MEGF8: variants seen among roughly 807,000 people sequenced by gnomAD.
MEGF8 encodes the protein multiple epidermal growth factor-like domains protein 8.
A neutral mutation model predicts 302.9 loss-of-function variants in MEGF8; 156 were observed. The observed-to-expected ratio is 0.52, with a 90% CI of 0.45 to 0.59. The LOEUF (loss-of-function observed/expected upper bound fraction) is 0.59. MEGF8 is among the 20% of genes least tolerant of loss of function. The pLI, the probability that MEGF8 is intolerant of heterozygous loss-of-function variation, is 0.00. For synonymous variants in MEGF8, 1,621 were observed against 1,660.5 expected, an observed-to-expected ratio of 0.98 and a Z score of 0.58; for missense variants, 3,345 against 3,964.5, an observed-to-expected ratio of 0.84 and a Z score of 4.20.
rs1399350332 is a variant in MEGF8 at position 42,368,188 on chromosome 19, G to T, written c.6274-267G>T. Among the ~76,000 whole-genome samples the T allele has an allele frequency of 2.0e-5, 3 of 152,174 alleles. No homozygotes were observed. The highest frequency in any genetic ancestry group is 3.2e-3 in the Middle Eastern group (1 of 316). ...CCACTGTAGCCTCCCAAAGTATTGG[G>T]ATTACAGGTGTGAGCCACTGCGGCC... On this transcript the variant is annotated intron_variant, in intron 35 of 41. Transcript: ENST00000251268. This position sits in a 1 kb window ranked among gnomAD's most constrained non-coding sequence, Gnocchi z 4.9.
rs774836192 is a variant in MEGF8, at chr19:42,352,183, G to T, written c.3102-25G>T. 3 of 1,488,280 alleles carry T rather than the reference G, an allele frequency of 2.0e-6. No homozygotes were observed. The Admixed American group carries it at 7.4e-5, about 37-fold the overall frequency. The allele number at this position is 1,488,280 out of a possible 1,614,324, so 92.2% of individuals were successfully genotyped here. ...GGCTCCTGTTTCTATGTTGTCCCCC[G>T]CTTCTTCACTCTCCCACCCTGCAGG... On this transcript the variant is annotated intron_variant, in intron 18 of 41. Coordinates refer to ENST00000251268, the MANE Select transcript of MEGF8 (RefSeq NM_001271938.2). This position sits in a 1 kb window ranked among gnomAD's most constrained non-coding sequence, Gnocchi z 4.4.
rs1284278825 is a variant in MEGF8, at chr19:42,343,643, G to A, written c.1668+12G>A. On this transcript the variant is annotated intron_variant, in intron 9 of 41. Coordinates refer to ENST00000251268, the MANE Select transcript of MEGF8 (RefSeq NM_001271938.2). ...CACCTGCCCCTGACGTGAGCACTGG[G>A]GTGACAGGGAAAGGGTGGCTGGGGG... The A allele has an allele frequency of 1.3e-6, 2 of 1,593,208 alleles. No homozygotes were observed. The highest frequency in any genetic ancestry group is 2.7e-5 in the African/African-American group (2 of 74,686).
chr19:42,337,249 A>G, intron 8 of MEGF8, 43 bp downstream of exon 8: 4 of 1,610,872 alleles, frequency 2.5e-6, no homozygotes, highest in Non-Finnish European at 3.4e-6. Context: ...TGAGGGTCCC[A>G]CCTCTCTCCA....
chr19:42,371,553 G>A, intron 41 of MEGF8, 71 bp downstream of exon 41: 4 of 1,596,244 alleles, frequency 2.5e-6, no homozygotes, highest in Non-Finnish European at 2.6e-6. Flanking sequence ...GGATGAGGTA[G>A]CCAGGCTCGG....
At position 42,344,672 on chromosome 19, in the gene MEGF8, C is replaced by G. The variant is rs201134458; in HGVS notation, c.1936C>G (p.Gln646Glu). Residue 646 changes from glutamine (Q) to glutamate (E), a missense_variant and splice_region_variant, in exon 12 of 42, where the codon CAG becomes GAG. Coordinates refer to ENST00000251268, the MANE Select transcript of MEGF8 (RefSeq NM_001271938.2). The surrounding 1 kb of genome is among the most constrained non-coding windows in gnomAD (Gnocchi z 4.5). ...GCCCCCACCCCCTGTCTTCTCAGAG[C>G]AGGCCCGCTGCCGAGGGGAGCAGAT... Reference protein sequence around the residue: ...HNESCLPRPEQARCRGEQISG... With the variant: ...HNESCLPRPEEARCRGEQISG... 6.3e-7 allele frequency: 1 copy of G among 1,576,562 alleles called. No individual in the cohort carries two copies. Among genetic ancestry groups the G allele is most frequent in the African/African-American group, 1.3e-5 (1 of 74,370 alleles).
At chr19:42,355,609 G>T (rs2039439572) in intron 23 of MEGF8, 149 bp from the exon 24 acceptor site, 1 of 1,155,728 alleles carries the variant, frequency 8.7e-7, no homozygotes, top group South Asian at 1.7e-5. Flanking sequence ...GCTGAGGGAG[G>T]GGGTGCAGAA....
chr19:42,360,358 T>C (rs1483459915), intron 31 of MEGF8, among the ~76,000 whole-genome samples: 1 of 151,236 alleles, frequency 6.6e-6, no homozygotes, highest in Non-Finnish European at 1.5e-5. Context: ...TTTTTTTTTT[T>C]TTTTGGAGAC....
In MEGF8 at chr19:42,326,390, C is replaced by T; in HGVS notation, c.147C>T (p.Gly49=). 2 of 1,581,634 alleles carry T rather than the reference C, an allele frequency of 1.3e-6. No homozygotes were observed. ...CAGGCTTCGTGACGGATGGTGCGGG[C>T]AACTACAGCGTCAATGGCAACTGCG... ...EAPGFVTDGA[G]NYSVNGNCEW... The change falls in exon 1 of 42, where the codon GGC becomes GGT. Residue 49 remains glycine (G), a synonymous_variant. Transcript: ENST00000251268.
chr19:42,368,528 G>A lies in MEGF8; in HGVS notation c.6347G>A (p.Ser2116Asn). ...GCGRLLRGPESCSLGCAQATQ... is the reference protein window; with the variant it reads ...GCGRLLRGPENCSLGCAQATQ... Reference sequence around the variant, plus strand: ...GGGCGGCTGCTCCGGGGACCTGAGAGCTGCTCCCTGGGCTGTGCTCAGGCA... The same window carrying A: ...GGGCGGCTGCTCCGGGGACCTGAGAACTGCTCCCTGGGCTGTGCTCAGGCA... The change falls in exon 36 of 42, where the codon AGC becomes AAC. Residue 2116 changes from serine (S) to asparagine (N), a missense_variant. Physicochemically the swap from Ser to Asn is conservative, Grantham distance 46. Transcript: ENST00000251268. The surrounding 1 kb of genome is among the most constrained non-coding windows in gnomAD (Gnocchi z 4.9). The A allele has an allele frequency of 6.2e-7, 1 of 1,606,858 alleles. No individual in the cohort carries two copies. The highest frequency in any genetic ancestry group is 8.5e-7 in the Non-Finnish European group (1 of 1,177,436).
intron 12 of MEGF8, among the ~76,000 whole-genome samples, chr19:42,346,745 G>T (rs950514107): frequency 6.6e-6 from 1 of 152,134 alleles, no homozygotes; most frequent in Admixed American, 6.5e-5. Context: ...AGCACTTTGT[G>T]AGGCCAAGGC....
rs1406237962 is a variant in MEGF8, at chr19:42,351,301, A to G, written c.2822A>G (p.Lys941Arg). 1 of 1,568,774 alleles carries G rather than the reference A, an allele frequency of 6.4e-7. No individual in the cohort carries two copies. The change falls in exon 16 of 42, where the codon AAG becomes AGG. Residue 941 changes from lysine (K) to arginine (R), a missense_variant. Physicochemically the swap from Lys to Arg is conservative, Grantham distance 26 (BLOSUM62 2). Coordinates refer to ENST00000251268, the MANE Select transcript of MEGF8 (RefSeq NM_001271938.2). The surrounding 1 kb of genome is among the most constrained non-coding windows in gnomAD (Gnocchi z 5.6). Reference sequence around the variant, plus strand: ...CGGGGCCGGGGTCGGGGTGCCCTGAAGAGTCCAGAGGAGTGTCCCCCGCTC... The same window carrying G: ...CGGGGCCGGGGTCGGGGTGCCCTGAGGAGTCCAGAGGAGTGTCCCCCGCTC... Reference protein sequence around the residue: ...SRRGRGRGALKSPEECPPLCS... With the variant: ...SRRGRGRGALRSPEECPPLCS...
chr19:42,326,015 C>T lies in MEGF8; in HGVS notation c.-229C>T, dbSNP rs1050383610. ...GGTTCGGCCCCGTCCATAATGACTC[C>T]ATATACAGGGCCTTCCATCGCTCTA... On this transcript the variant is annotated 5_prime_UTR_variant, in exon 1 of 42. Transcript: ENST00000251268. 1.3e-5 allele frequency: 8 copies of T among 593,892 alleles called. No individual in the cohort carries two copies. Among genetic ancestry groups the T allele is most frequent in the East Asian group, 3.5e-5 (1 of 28,574 alleles). The allele number at this position is 593,892 out of a possible 1,614,324, so 36.8% of individuals were successfully genotyped here.
intron 8 of MEGF8, 70 bp downstream of exon 8, chr19:42,337,276 A>C (rs1023368773): frequency 3.9e-5 from 62 of 1,600,574 alleles, no homozygotes; most frequent in Non-Finnish European, 4.8e-5. Flanking sequence ...TTCTGGGCTC[A>C]AGCCACCTCA....
At chr19:42,367,278 TTTTC>T (rs1309460635) in intron 35 of MEGF8, among the ~76,000 whole-genome samples, 7 of 150,870 alleles carry the variant, frequency 4.6e-5, no homozygotes, top group East Asian at 1.9e-4. Context: ...TTTTCTTGTC[TTTTC>T]TTTCTTTCTT....
chr19:42,372,074 AACAC>A (rs1555784682), intron 41 of MEGF8, among the ~76,000 whole-genome samples: 5 of 79,324 alleles, frequency 6.3e-5, no homozygotes, highest in African/African-American at 1.8e-4. Flanking sequence ...AACAACAACA[AACAC>A]ACACACACAC....
Position 42,351,487 on chromosome 19 carries a change from A to T in MEGF8, c.2914A>T (p.Thr972Ser). ...NSSQCAWCQS[T>S]HTCFLFAAYL... The stretch of plus-strand genomic sequence containing the variant: ...TAGCCAGTGCGCCTGGTGCCAGTCC[A>T]CCCACACCTGCTTCCTGTTTGCTGC... Residue 972 changes from threonine to serine, a missense_variant, in exon 17 of 42, where the codon ACC (threonine) becomes TCC (serine). Thr to Ser is a moderately conservative substitution (Grantham distance 58). Coordinates refer to ENST00000251268, the MANE Select transcript of MEGF8 (RefSeq NM_001271938.2). The surrounding 1 kb of genome is among the most constrained non-coding windows in gnomAD (Gnocchi z 5.6). 6.2e-7 allele frequency: 1 copy of T among 1,605,030 alleles called. No homozygotes were observed. Among genetic ancestry groups the T allele is most frequent in the Non-Finnish European group, 8.5e-7 (1 of 1,176,188 alleles).
In MEGF8 at chr19:42,350,612, C is replaced by T. The variant is rs546588773; in HGVS notation, c.2736+228C>T. Among the ~76,000 whole-genome samples, 30 of 152,298 alleles carry T rather than the reference C, an allele frequency of 2.0e-4. No individual in the cohort carries two copies. The South Asian group carries it at 5.2e-3, about 26-fold the overall frequency. On this transcript the variant is annotated intron_variant, in intron 15 of 41. Coordinates refer to ENST00000251268, the MANE Select transcript of MEGF8 (RefSeq NM_001271938.2). The stretch of plus-strand genomic sequence containing the variant: ...GAGAATGCAACTCCATCCTTTTCCA[C>T]TAGCGGGGAGTTTCTCAGCATAGGC...
chr19:42,338,576 A>G (rs951354733), intron 8 of MEGF8, among the ~76,000 whole-genome samples: 11 of 151,900 alleles, frequency 7.2e-5, no homozygotes, highest in Non-Finnish European at 1.2e-4. Context: ...TCCCTCCTCC[A>G]ACCCTCAGGT....
At position 42,350,252 on chromosome 19, in the gene MEGF8, C is replaced by T; in HGVS notation, c.2604C>T (p.Thr868=). The T allele has an allele frequency of 1.2e-6, 2 of 1,612,504 alleles. No individual in the cohort carries two copies. The highest frequency in any genetic ancestry group is 2.2e-5 in the South Asian group (2 of 91,076). The part of the protein sequence containing the change: ...LADQGCGWCL[T]SATCHLRQGG... ...ACCAGGGCTGTGGCTGGTGCCTGAC[C>T]AGTGCCACCTGCCACCTGCGCCAGG... Residue 868 remains threonine (T), a synonymous_variant, in exon 15 of 42, where the codon ACC becomes ACT. Coordinates refer to ENST00000251268, the MANE Select transcript of MEGF8 (RefSeq NM_001271938.2).
Sources: allele counts gnomAD v4.1 joint callset (sites outside exome capture counted in the v4.1 genomes callset), GRCh38; gene constraint gnomAD v4.1.1; non-coding constraint Gnocchi (gnomAD v3.1); transcripts MANE v1.5; gene names NCBI Gene and HGNC (gene_info 2026-07-23, HGNC 2026-07-21).